The following PTPRN variants were observed in gnomAD, a reference collection of about 807,000 sequenced individuals.
PTPRN encodes receptor-type tyrosine-protein phosphatase-like N.
Under a neutral mutation model 108.5 loss-of-function variants are expected in PTPRN, and 70 were observed. That is an observed-to-expected ratio of 0.65 (90% CI 0.53 to 0.79). PTPRN has a LOEUF of 0.79. Ranked by LOEUF, PTPRN falls within the 30% of genes least tolerant of loss-of-function variation. The probability of loss-of-function intolerance (pLI) is 0.00; values close to 1 mark genes in which losing one functional copy is unlikely to be tolerated. For synonymous variants in PTPRN, 496 were observed against 524.6 expected (o/e 0.95, Z 0.75); for missense variants, 1,136 against 1,295.5 (o/e 0.88, Z 1.89).
Position 219,300,023 on chromosome 2 carries a change from T to C in PTPRN, c.1398A>G (p.Pro466=). ...PTVAGQPSAR[P]AAEEYGYIVT... ...CGATGTAGCCATATTCCTCTGCTGC[T>C]GGGCGGGCTGAGGGCTGTCCTGCCA... Residue 466 remains proline, a synonymous_variant, in exon 9 of 23, where the codon CCA becomes CCG. Transcript: ENST00000295718. The C allele has an allele frequency of 6.2e-7, 1 of 1,614,240 alleles. No homozygotes were observed. The highest frequency in any genetic ancestry group is 2.2e-5 in the East Asian group (1 of 44,880).
Position 219,297,790 on chromosome 2 carries a change from A to G in PTPRN, c.1887+95T>C. On this transcript the variant is annotated intron_variant, in intron 13 of 22. Coordinates refer to ENST00000295718, the MANE Select transcript of PTPRN (RefSeq NM_002846.4). The surrounding 1 kb of genome is among the most constrained non-coding windows in gnomAD (Gnocchi z 6.0). ...TGGACCTTCCCAGGGATGAGGGCTC[A>G]CTCCCCATTCAGTTCCGACCCTTAG... 7.2e-7 allele frequency: 1 copy of G among 1,384,370 alleles called. No individual in the cohort carries two copies. Among genetic ancestry groups the G allele is most frequent in the Non-Finnish European group, 9.8e-7 (1 of 1,017,596 alleles). The allele number at this position is 1,384,370 out of a possible 1,614,324, so 85.8% of individuals were successfully genotyped here.
chr2:219,294,262 G>T, intron 19 of PTPRN: 1 of 437,132 alleles, frequency 2.3e-6, no homozygotes, highest in Non-Finnish European at 4.8e-6. Flanking sequence ...ACAGGCAGCG[G>T]GAGGGAGAGG....
chr2:219,299,374 G>A lies in PTPRN; in HGVS notation c.1534C>T (p.Pro512Ser), dbSNP rs762053606. Residue 512 changes from proline to serine, a missense_variant, in exon 11 of 23, where the codon CCA (proline) becomes TCA (serine). Coordinates refer to ENST00000295718, the MANE Select transcript of PTPRN (RefSeq NM_002846.4). ...TGCCGGATGCGGAAGGTGAGGGCTGGTCCCACCACACTGCCAGATAGGAGC... is the reference window on the plus strand; with the variant it reads ...TGCCGGATGCGGAAGGTGAGGGCTGATCCCACCACACTGCCAGATAGGAGC... The part of the protein sequence containing the change: ...GSFINISVVG[P>S]ALTFRIRHNE... 10 of 1,614,214 alleles carry A rather than the reference G, an allele frequency of 6.2e-6. No individual in the cohort carries two copies. In the South Asian group the frequency reaches 7.7e-5, roughly 12 times the overall value.
rs1559300978 is a variant in PTPRN, at chr2:219,300,986, C to G, written c.1127-9G>C. ...AACATTTACAACCCCTCCTGCGAGA[C>G]AGGAAAAACAAGAGTCTGGAAAAAT... On this transcript the variant is annotated splice_polypyrimidine_tract_variant and intron_variant, in intron 7 of 22. Coordinates refer to ENST00000295718, the MANE Select transcript of PTPRN (RefSeq NM_002846.4). The G allele has an allele frequency of 6.2e-7, 1 of 1,614,086 alleles. No homozygotes were observed. Among genetic ancestry groups the G allele is most frequent in the South Asian group, 1.1e-5 (1 of 91,074 alleles).
chr2:219,304,702 A>G (rs1303520166), intron 3 of PTPRN, among the ~76,000 whole-genome samples: 1 of 152,214 alleles, frequency 6.6e-6, no homozygotes, highest in African/African-American at 2.4e-5. Flanking sequence ...AGTTCCTCTG[A>G]GCACTAGATT....
Position 219,290,051 on chromosome 2 carries a change from G to A in PTPRN, c.*175C>T, listed in dbSNP as rs1952017625. 6.3e-6 allele frequency: 4 copies of A among 638,388 alleles called. No individual in the cohort carries two copies. Among genetic ancestry groups the A allele is most frequent in the Non-Finnish European group, 1.1e-5 (4 of 357,852 alleles). The allele number at this position is 638,388 out of a possible 1,614,324, so 39.5% of individuals were successfully genotyped here. A position where few individuals can be genotyped will look rare whatever the true frequency, so the allele number is the denominator to read the frequency against. The stretch of plus-strand genomic sequence containing the variant: ...TGGGCTCTGGGATGCCCCAGGCTCT[G>A]GCATGCGAGGCTGGGCAGGCGTGCC... On this transcript the variant is annotated 3_prime_UTR_variant, in exon 23 of 23. Transcript: ENST00000295718. The surrounding 1 kb of genome is among the most constrained non-coding windows in gnomAD (Gnocchi z 4.2).
At chr2:219,302,887 A>G in intron 4 of PTPRN, 50 bp from the exon 5 acceptor site, 1 of 1,583,252 alleles carries the variant, frequency 6.3e-7, no homozygotes. Context: ...AAGGGCATAG[A>G]GAGCCTGCAA....
chr2:219,303,211 C>T (rs1952401150), intron 4 of PTPRN, among the ~76,000 whole-genome samples: 1 of 152,182 alleles, frequency 6.6e-6, no homozygotes, highest in South Asian at 2.1e-4. Flanking sequence ...TGTCCCCACA[C>T]CTGGCTCTCC....
intron 18 of PTPRN, 137 bp from the exon 19 acceptor site, chr2:219,295,278 G>T (rs1952162576): frequency 3.3e-6 from 3 of 911,662 alleles, no homozygotes; most frequent in East Asian, 2.8e-5. Context: ...AGTTCCAGCG[G>T]TCCCAGGAAC....
intron 19 of PTPRN, chr2:219,294,176 C>A: frequency 1.9e-6 from 1 of 514,704 alleles, no homozygotes; most frequent in Non-Finnish European, 4.0e-6. Context: ...CTGCAGATCA[C>A]AAAAATGACA....
In PTPRN at chr2:219,297,845, T is replaced by C; in HGVS notation, c.1887+40A>G. On this transcript the variant is annotated intron_variant, in intron 13 of 22. Coordinates refer to ENST00000295718, the MANE Select transcript of PTPRN (RefSeq NM_002846.4). This position sits in a 1 kb window ranked among gnomAD's most constrained non-coding sequence, Gnocchi z 6.0. Reference sequence around the variant, plus strand: ...CGCAAGACCCAGACTCCCAGGCCCCTTGCATTTCCTTTGCTCAATCAGCTT... The same window carrying C: ...CGCAAGACCCAGACTCCCAGGCCCCCTGCATTTCCTTTGCTCAATCAGCTT... The C allele has an allele frequency of 6.4e-7, 1 of 1,558,700 alleles. No individual in the cohort carries two copies. Among genetic ancestry groups the C allele is most frequent in the Non-Finnish European group, 8.7e-7 (1 of 1,151,326 alleles).
rs927341192 is a variant in PTPRN at position 219,297,565 on chromosome 2, C to T, written c.1888-132G>A. 1 of 915,412 alleles carries T rather than the reference C, an allele frequency of 1.1e-6. No homozygotes were observed. The allele number at this position is 915,412 out of a possible 1,614,324, so 56.7% of individuals were successfully genotyped here. ...GAACTCAGCTCCTCTGGGGTATGGT[C>T]TTCTGCCTGGCCCTGATCCTTTCCA... On this transcript the variant is annotated intron_variant, in intron 13 of 22. Transcript: ENST00000295718. The surrounding 1 kb of genome is among the most constrained non-coding windows in gnomAD (Gnocchi z 6.0).
In PTPRN at chr2:219,296,008, ATGTT is replaced by A. The variant is rs973483908; in HGVS notation, c.2508+214_2508+217del. 22 of 602,728 alleles carry A rather than the reference ATGTT, an allele frequency of 3.7e-5. No homozygotes were observed. Among genetic ancestry groups the A allele is most frequent in the Middle Eastern group, 4.5e-4 (1 of 2,218 alleles). 37.3% of individuals were successfully genotyped at this position (602,728 alleles called of 1,614,324 possible). A position where few individuals can be genotyped will look rare whatever the true frequency, so the allele number is the denominator to read the frequency against. ...CACACACACACACACACACACATGT[ATGTT>A]CTGTAAACAGGACACACACATGTAT... On this transcript the variant is annotated intron_variant, in intron 18 of 22. Transcript: ENST00000295718. The surrounding 1 kb of genome is among the most constrained non-coding windows in gnomAD (Gnocchi z 6.0).
chr2:219,298,942 T>TACGGAC, intron 12 of PTPRN, 105 bp downstream of exon 12: 1 of 1,374,178 alleles, frequency 7.3e-7, no homozygotes, highest in Non-Finnish European at 1.0e-6. Context: ...CAGCCGTGCC[T>TACGGAC]ACGGACACGT....
chr2:219,308,140 G>A (rs918917699), intron 1 of PTPRN: 1 of 392,320 alleles, frequency 2.5e-6, no homozygotes, highest in African/African-American at 2.1e-5. Context: ...TACTGCAGGA[G>A]AGGTTTTGGC....
chr2:219,290,627 G>A lies in PTPRN; in HGVS notation c.2795-16C>T. ...TCCTTCACTCCTGGAGATGGAGGTG[G>A]GGATGGGGCTGCTCAGGGGGTGTCC... On this transcript the variant is annotated splice_polypyrimidine_tract_variant and intron_variant, in intron 21 of 22. Transcript: ENST00000295718. The surrounding 1 kb of genome is among the most constrained non-coding windows in gnomAD (Gnocchi z 4.2). The A allele has an allele frequency of 6.4e-7, 1 of 1,550,672 alleles. No homozygotes were observed. Among genetic ancestry groups the A allele is most frequent in the Non-Finnish European group, 8.7e-7 (1 of 1,145,872 alleles).
chr2:219,305,577 C>T (rs1952462544), intron 3 of PTPRN, among the ~76,000 whole-genome samples: 1 of 152,096 alleles, frequency 6.6e-6, no homozygotes, highest in African/African-American at 2.4e-5. Context: ...AGGACTTGAT[C>T]CTTGGTCTTC....
Position 219,296,791 on chromosome 2 carries a change from C to T in PTPRN, c.2268G>A (p.Glu756=), listed in dbSNP as rs1047963288. ...TGTAATCGCTCCGAGAAGGGCTGCT[C>T]TCCACCTTCAGTTTTATGCGGGCAT... ...YDHARIKLKV[E]SSPSRSDYIN... is the part of the protein sequence containing the mutation. The change falls in exon 16 of 23, where the codon GAG becomes GAA. Residue 756 remains glutamate (E), a synonymous_variant. Transcript: ENST00000295718. The surrounding 1 kb of genome is among the most constrained non-coding windows in gnomAD (Gnocchi z 6.0). 3.1e-6 allele frequency: 5 copies of T among 1,613,956 alleles called. No homozygotes were observed. The highest frequency in any genetic ancestry group is 1.7e-5 in the Admixed American group (1 of 59,988).
intron 8 of PTPRN, 166 bp from the exon 9 acceptor site, chr2:219,300,425 G>A: frequency 1.6e-6 from 1 of 610,392 alleles, no homozygotes. Context: ...TCTGAGACAA[G>A]TAAGTGGATG....
Sources: gnomAD v4.1 joint callset for allele counts (sites outside exome capture counted in the v4.1 genomes callset) on GRCh38, gnomAD v4.1.1 for gene constraint, Gnocchi (gnomAD v3.1) non-coding constraint, MANE v1.5 for transcripts, NCBI Gene and HGNC (gene_info 2026-07-23, HGNC 2026-07-21) for gene names.